The following ADGRL3 variants were observed in gnomAD, a reference collection of about 807,000 sequenced individuals.
ADGRL3 encodes calcium-independent alpha-latrotoxin receptor 3.
A neutral mutation model predicts 153.5 loss-of-function variants in ADGRL3; 62 were observed. The observed-to-expected ratio is 0.40, with a 90% confidence interval of 0.33 to 0.50. ADGRL3 has a LOEUF of 0.50. ADGRL3 is among the 20% of genes least tolerant of loss of function. ADGRL3 has a pLI of 0.47. For synonymous variants in ADGRL3, 710 were observed against 672.5 expected (o/e 1.06, Z -0.86); for missense variants, 1,641 against 1,859.4 (o/e 0.88, Z 2.16).
At chr4:61,787,125 T>A (rs1188687554) in intron 8 of ADGRL3, among the ~76,000 whole-genome samples, 1 of 152,140 alleles carries the variant, frequency 6.6e-6, no homozygotes, top group Non-Finnish European at 1.5e-5. Flanking sequence ...ATAAAAGGAT[T>A]CCTCTTATAT....
At chr4:61,306,866 T>C (rs948214613) in intron 1 of ADGRL3, among the ~76,000 whole-genome samples, 1 of 152,226 alleles carries the variant, frequency 6.6e-6, no homozygotes, top group African/African-American at 2.4e-5. Flanking sequence ...TAGAACTTTA[T>C]ATTATAGAGC....
intron 1 of ADGRL3, among the ~76,000 whole-genome samples, chr4:61,277,613 T>C (rs1193799034): frequency 6.6e-6 from 1 of 152,098 alleles, no homozygotes; most frequent in Non-Finnish European, 1.5e-5. Context: ...AATGCTTGAA[T>C]AGGAGTCTAA....
chr4:62,019,917 T>C (rs1483570075), intron 21 of ADGRL3, among the ~76,000 whole-genome samples: 2 of 152,182 alleles, frequency 1.3e-5, no homozygotes, highest in Admixed American at 1.3e-4. Context: ...GATTATCTTA[T>C]TTATTGTGGA....
At chr4:61,863,441 T>G (rs1374734716) in intron 9 of ADGRL3, among the ~76,000 whole-genome samples, 2 of 151,418 alleles carry the variant, frequency 1.3e-5, no homozygotes, top group Admixed American at 6.6e-5. Context: ...GTTTCACCGT[T>G]TTAGCCGGGA....
At chr4:61,956,996 T>TTAG (rs2098969629) in intron 17 of ADGRL3, among the ~76,000 whole-genome samples, 1 of 152,154 alleles carries the variant, frequency 6.6e-6, no homozygotes, top group Non-Finnish European at 1.5e-5. Flanking sequence ...TTCTTCTTGC[T>TTAG]TAGGATTGTC....
chr4:61,685,249 T>C (rs2095421308), intron 6 of ADGRL3, among the ~76,000 whole-genome samples: 1 of 152,020 alleles, frequency 6.6e-6, no homozygotes, highest in South Asian at 2.1e-4. Flanking sequence ...CAAAAGCTAG[T>C]AATAAGTTCT....
At chr4:61,504,335 C>T (rs2098412882) in intron 3 of ADGRL3, among the ~76,000 whole-genome samples, 1 of 152,060 alleles carries the variant, frequency 6.6e-6, no homozygotes, top group Non-Finnish European at 1.5e-5. Flanking sequence ...GTAGTTCATT[C>T]ATTCAGAATT....
intron 8 of ADGRL3, among the ~76,000 whole-genome samples, chr4:61,757,600 T>G (rs1339346733): frequency 6.6e-6 from 1 of 152,046 alleles, no homozygotes; most frequent in Non-Finnish European, 1.5e-5. Flanking sequence ...TTTGAAGGGT[T>G]TTTTTGTGTC....
chr4:61,362,868 AAAAC>A (rs1471663201), intron 1 of ADGRL3, among the ~76,000 whole-genome samples: 1 of 152,178 alleles, frequency 6.6e-6, no homozygotes, highest in Non-Finnish European at 1.5e-5. Context: ...ATTTTGAAAA[AAAAC>A]CTTCTGATCA....
intron 25 of ADGRL3, among the ~76,000 whole-genome samples, chr4:62,050,819 T>C (rs1733685019): frequency 6.6e-6 from 1 of 151,894 alleles, no homozygotes; most frequent in South Asian, 2.1e-4. Context: ...CAGCTCCTAA[T>C]ATAATCTGAC....
rs1195516845 is a variant in ADGRL3 at position 61,492,007 on chromosome 4, T to C, written c.-173-5114T>C. On this transcript the variant is annotated intron_variant, in intron 2 of 26. Transcript: ENST00000683033. ...AGGTCATAGCTATGATTTCCCTCTATGGAACAATGAAAAAAACAAACAAAC... is the reference window on the plus strand; with the variant it reads ...AGGTCATAGCTATGATTTCCCTCTACGGAACAATGAAAAAAACAAACAAAC... 4.4e-5 allele frequency among the ~76,000 whole-genome samples: 6 copies of C among 134,854 alleles called. No homozygotes were observed. The South Asian group carries it at 1.0e-3, about 23-fold the overall frequency. The allele number at this position is 134,854 out of a possible 152,430, so 88.5% of individuals were successfully genotyped here. A position where few individuals can be genotyped will look rare whatever the true frequency, so the allele number is the denominator to read the frequency against.
At chr4:61,274,815 T>G (rs1560413596) in intron 1 of ADGRL3, among the ~76,000 whole-genome samples, 1 of 152,030 alleles carries the variant, frequency 6.6e-6, no homozygotes, top group Non-Finnish European at 1.5e-5. Context: ...ACGCTTGTTG[T>G]CATTGCAACG....
chr4:61,929,737 C>T (rs948452543), intron 13 of ADGRL3, among the ~76,000 whole-genome samples: 4 of 152,070 alleles, frequency 2.6e-5, no homozygotes, highest in Non-Finnish European at 4.4e-5. Context: ...TAGATAATGA[C>T]GTATGACACA....
chr4:61,797,158 G>T (rs553080873), intron 8 of ADGRL3, among the ~76,000 whole-genome samples: 1 of 152,068 alleles, frequency 6.6e-6, no homozygotes, highest in Non-Finnish European at 1.5e-5. Flanking sequence ...CCTTCTTTCA[G>T]TTCCTCAAAA....
At chr4:61,410,198 T>C (rs904396482) in intron 2 of ADGRL3, among the ~76,000 whole-genome samples, 19 of 152,240 alleles carry the variant, frequency 1.2e-4, no homozygotes, top group African/African-American at 4.3e-4. Flanking sequence ...ATTCATGAGT[T>C]CTAAAAATGA....
chr4:61,800,092 C>T lies in ADGRL3; in HGVS notation c.1400-13717C>T, dbSNP rs116506481. ...ACCTCTTGTGTACTGGGACATGTGA[C>T]TTTGATTAAAGTTAATTAAAGTTAG... On this transcript the variant is annotated intron_variant, in intron 8 of 26. Transcript: ENST00000683033. Among the ~76,000 whole-genome samples, 1,047 of 152,228 alleles carry T rather than the reference C, an allele frequency of 6.9e-3. 12 individuals are homozygous for T. Among genetic ancestry groups the T allele is most frequent in the African/African-American group, 0.024 (1,002 of 41,526 alleles).
chr4:61,748,575 T>G (rs998317725), intron 8 of ADGRL3, among the ~76,000 whole-genome samples: 136 of 152,300 alleles, frequency 8.9e-4, no homozygotes, highest in African/African-American at 3.2e-3. Context: ...AACTATCTGA[T>G]CTTTGACAAA....
At chr4:61,880,987 G>A (rs2098505078) in intron 9 of ADGRL3, among the ~76,000 whole-genome samples, 1 of 152,068 alleles carries the variant, frequency 6.6e-6, no homozygotes, top group Admixed American at 6.5e-5. Flanking sequence ...AAGGGGCCTT[G>A]TTTTACTCAA....
chr4:61,476,674 A>C (rs922256315), intron 2 of ADGRL3, among the ~76,000 whole-genome samples: 4 of 129,828 alleles, frequency 3.1e-5, no homozygotes, highest in Non-Finnish European at 6.2e-5. Context: ...ATGCCACTGC[A>C]CTTCAGCCTG....
Sources: gnomAD v4.1 joint callset for allele counts (sites outside exome capture counted in the v4.1 genomes callset) on GRCh38, gnomAD v4.1.1 for gene constraint, MANE v1.5 for transcripts, NCBI Gene and HGNC (gene_info 2026-07-23, HGNC 2026-07-21) for gene names.